AGBL1: variants seen among roughly 807,000 people sequenced by gnomAD.
AGBL1 encodes the protein cytosolic carboxypeptidase 4.
In AGBL1, 130 loss-of-function variants were observed where a neutral mutation model predicts 118.9. The observed-to-expected ratio is 1.09, with a 90% CI of 0.95 to 1.26. AGBL1 has a LOEUF of 1.26. Among genes scored for constraint, AGBL1 ranks in the 50% most tolerant of loss-of-function variants. The pLI is 0.00. For missense variants in AGBL1, 1,584 were observed against 1,298.1 expected, an observed-to-expected ratio of 1.22 and a Z score of -3.38; for synonymous variants, 555 against 478.9, an observed-to-expected ratio of 1.16 and a Z score of -2.08.
intron 17 of AGBL1, among the ~76,000 whole-genome samples, chr15:86,388,967 T>A: frequency 6.6e-6 from 1 of 152,238 alleles, no homozygotes; most frequent in East Asian, 1.9e-4. Flanking sequence ...ATGTCATATA[T>A]CTACCAGTTG....
intron 4 of AGBL1, among the ~76,000 whole-genome samples, chr15:86,156,240 C>G (rs1391949529): frequency 6.6e-6 from 1 of 152,098 alleles, no homozygotes; most frequent in African/African-American, 2.4e-5. Context: ...TTTTTGAAGG[C>G]TACAATTTGG....
At chr15:86,332,309 C>T (rs1316937464) in intron 17 of AGBL1, among the ~76,000 whole-genome samples, 1 of 152,220 alleles carries the variant, frequency 6.6e-6, no homozygotes, top group Admixed American at 6.5e-5. Context: ...AGTGAGGGAA[C>T]TTTGACACCC....
rs944682344 is a variant in AGBL1 at position 86,909,103 on chromosome 15, A to T, written c.*1809A>T. 1 of 152,218 alleles carries T rather than the reference A, an allele frequency of 6.6e-6. No homozygotes were observed. The highest frequency in any genetic ancestry group is 2.1e-4 in the South Asian group (1 of 4,822). 9.4% of individuals were successfully genotyped at this position (152,218 alleles called of 1,614,324 possible). On this transcript the variant is annotated 3_prime_UTR_variant, in exon 23 of 23. Transcript: ENST00000614907. ...ACACAAAAAGAAATGCCTGTTTTCT[A>T]TCTTTCCAAAAGCTCTACATAATAT...
chr15:86,400,658 C>A (rs981663822), intron 18 of AGBL1, among the ~76,000 whole-genome samples: 3 of 149,620 alleles, frequency 2.0e-5, no homozygotes, highest in East Asian at 2.0e-4. Flanking sequence ...ATTCTCATGT[C>A]TTTGCATCCT....
chr15:86,970,233 G>T (rs1168186409), intron 23 of AGBL1, among the ~76,000 whole-genome samples: 1 of 151,730 alleles, frequency 6.6e-6, no homozygotes, highest in Admixed American at 6.6e-5. Context: ...ATACTGGGAG[G>T]CAGGAAAAAG....
At chr15:86,225,073 C>T (rs1377161799) in intron 6 of AGBL1, 122 bp downstream of exon 6, 1 of 986,760 alleles carries the variant, frequency 1.0e-6, no homozygotes, top group Non-Finnish European at 1.5e-6. Flanking sequence ...TCTCAATCAC[C>T]TATGGCTAAT....
intron 5 of AGBL1, among the ~76,000 whole-genome samples, chr15:86,204,126 G>A (rs1293943856): frequency 6.6e-6 from 1 of 152,108 alleles, no homozygotes; most frequent in African/African-American, 2.4e-5. Context: ...CTGTGGCTCT[G>A]GAAGCCTCAC....
At chr15:86,301,719 A>G (rs1395342788) in intron 17 of AGBL1, among the ~76,000 whole-genome samples, 2 of 150,952 alleles carry the variant, frequency 1.3e-5, no homozygotes, top group South Asian at 4.2e-4. Context: ...ATTATAATAC[A>G]GAAAGTTTTA....
At chr15:86,446,856 C>T (rs2082127014) in intron 18 of AGBL1, among the ~76,000 whole-genome samples, 1 of 152,094 alleles carries the variant, frequency 6.6e-6, no homozygotes. Flanking sequence ...CCTTGGTACT[C>T]ATATTTCTTT....
At chr15:86,357,444 T>G (rs1353139771) in intron 17 of AGBL1, among the ~76,000 whole-genome samples, 1 of 152,168 alleles carries the variant, frequency 6.6e-6, no homozygotes, top group African/African-American at 2.4e-5. Context: ...ATTCACTGTT[T>G]CTATCAAAAT....
chr15:86,928,972 A>G (rs2080576382), intron 23 of AGBL1, among the ~76,000 whole-genome samples: 1 of 152,150 alleles, frequency 6.6e-6, no homozygotes, highest in African/African-American at 2.4e-5. Context: ...TTTTGCAACT[A>G]TTATCTCCAG....
At chr15:86,927,054 G>A (rs1371480128) in intron 23 of AGBL1, among the ~76,000 whole-genome samples, 3 of 151,684 alleles carry the variant, frequency 2.0e-5, no homozygotes, top group Non-Finnish European at 4.4e-5. Flanking sequence ...CAGGAGAATC[G>A]CTTGAACCCA....
intron 22 of AGBL1, among the ~76,000 whole-genome samples, chr15:86,759,927 C>G (rs2078000099): frequency 6.6e-6 from 1 of 152,026 alleles, no homozygotes; most frequent in African/African-American, 2.4e-5. Flanking sequence ...GGCAGGCATT[C>G]TGACATTTGG....
At chr15:86,977,254 T>C (rs1329491424) in intron 23 of AGBL1, among the ~76,000 whole-genome samples, 1 of 151,966 alleles carries the variant, frequency 6.6e-6, no homozygotes, top group Non-Finnish European at 1.5e-5. Context: ...TAGCAAATCT[T>C]ATATATATTT....
chr15:86,373,898 G>T (rs2081002044), intron 17 of AGBL1, among the ~76,000 whole-genome samples: 1 of 152,160 alleles, frequency 6.6e-6, no homozygotes, highest in African/African-American at 2.4e-5. Context: ...AAAATTATGT[G>T]TGTAAAATGC....
chr15:86,287,613 G>T (rs1181018466), intron 16 of AGBL1, among the ~76,000 whole-genome samples: 1 of 152,062 alleles, frequency 6.6e-6, no homozygotes, highest in African/African-American at 2.4e-5. Context: ...TTTCCCCATT[G>T]CATGTTTTTG....
At chr15:86,984,971 A>T (rs1030420437) in intron 23 of AGBL1, among the ~76,000 whole-genome samples, 15 of 152,104 alleles carry the variant, frequency 9.9e-5, no homozygotes, top group African/African-American at 3.6e-4. Flanking sequence ...AGGTTTTTCG[A>T]TTTATAAATT....
intron 22 of AGBL1, among the ~76,000 whole-genome samples, chr15:86,824,277 A>G (rs983583411): frequency 6.6e-6 from 1 of 152,090 alleles, no homozygotes; most frequent in Non-Finnish European, 1.5e-5. Context: ...AAAACCAATC[A>G]TTTTTCTATA....
At chr15:86,079,825 G>A (rs894668462), upstream of AGBL1, 5 of 458,614 alleles carry the variant, frequency 1.1e-5, no homozygotes, top group South Asian at 1.2e-4. Flanking sequence ...GGGTTGCACC[G>A]CGCTGACTTC....
Sources: allele counts gnomAD v4.1 joint callset (sites outside exome capture counted in the v4.1 genomes callset), GRCh38; gene constraint gnomAD v4.1.1; transcripts MANE v1.5; gene names NCBI Gene and HGNC (gene_info 2026-07-23, HGNC 2026-07-21).